The following ALKBH8 variants were observed in gnomAD, a reference collection of about 807,000 sequenced individuals.
The protein encoded by ALKBH8 is alkB homolog 8, tRNA methyltransferase, also known as tRNA (carboxymethyluridine(34)-5-O)-methyltransferase ALKBH8.
A neutral mutation model predicts 59.8 loss-of-function variants in ALKBH8; 36 were observed. The observed-to-expected ratio is 0.60, with a 90% CI of 0.46 to 0.79. The LOEUF is 0.79. Ranked by LOEUF, ALKBH8 falls within the 30% of genes least tolerant of loss-of-function variation. The probability of loss-of-function intolerance (pLI) is 0.00; values close to 1 mark genes in which losing one functional copy is unlikely to be tolerated. For synonymous variants in ALKBH8, 276 were observed against 273.6 expected, an observed-to-expected ratio of 1.01 and a Z score of -0.09; for missense variants, 768 against 801.0, an observed-to-expected ratio of 0.96 and a Z score of 0.50.
intron 2 of ALKBH8, among the ~76,000 whole-genome samples, chr11:107,557,833 C>T (rs555024514): frequency 3.9e-5 from 6 of 152,174 alleles, no homozygotes; most frequent in African/African-American, 1.4e-4. Context: ...GGTCTAGCAC[C>T]CATATAGTCT....
chr11:107,563,122 CAAAAT>C (rs1865003092), intron 1 of ALKBH8, among the ~76,000 whole-genome samples: 1 of 152,014 alleles, frequency 6.6e-6, no homozygotes, highest in African/African-American at 2.4e-5. Context: ...TGGCAAGTGA[CAAAAT>C]AAAGTGGCTC....
At chr11:107,549,517 A>G (rs1285041644) in intron 7 of ALKBH8, among the ~76,000 whole-genome samples, 1 of 152,216 alleles carries the variant, frequency 6.6e-6, no homozygotes, top group Non-Finnish European at 1.5e-5. Flanking sequence ...TAACTGCTAA[A>G]AGTTTCGTGT....
intron 7 of ALKBH8, among the ~76,000 whole-genome samples, chr11:107,533,955 C>T (rs1401433838): frequency 1.3e-5 from 2 of 152,002 alleles, no homozygotes. Context: ...ATGGAGAAAC[C>T]CTGTCTCTAC....
chr11:107,535,585 C>T (rs938722472), intron 7 of ALKBH8, among the ~76,000 whole-genome samples: 2 of 152,078 alleles, frequency 1.3e-5, no homozygotes, highest in Non-Finnish European at 1.5e-5. Context: ...ATGTCCTTAG[C>T]CCATTTTTTG....
intron 3 of ALKBH8, among the ~76,000 whole-genome samples, chr11:107,555,433 C>T (rs116494622): frequency 6.6e-6 from 1 of 152,112 alleles, no homozygotes; most frequent in East Asian, 1.9e-4. Context: ...GAATATTCAC[C>T]ATGGAGGACG....
At chr11:107,506,556 A>C (rs1201816044) in intron 11 of ALKBH8, among the ~76,000 whole-genome samples, 6 of 152,138 alleles carry the variant, frequency 3.9e-5, no homozygotes, top group South Asian at 2.1e-4. Context: ...AAACAAGATG[A>C]ATTTAAATTT....
intron 7 of ALKBH8, among the ~76,000 whole-genome samples, chr11:107,534,123 C>A (rs188088254): frequency 6.6e-6 from 1 of 152,020 alleles, no homozygotes; most frequent in Non-Finnish European, 1.5e-5. Flanking sequence ...GAGCGAGACA[C>A]CGTCTCACCA....
intron 8 of ALKBH8, among the ~76,000 whole-genome samples, chr11:107,530,661 C>T (rs549090977): frequency 7.4e-5 from 11 of 148,410 alleles, no homozygotes; most frequent in Admixed American, 1.3e-4. Flanking sequence ...AGTGATGTTA[C>T]AGGCAATGTG....
intron 7 of ALKBH8, among the ~76,000 whole-genome samples, chr11:107,547,582 T>C (rs981857321): frequency 6.6e-6 from 1 of 152,222 alleles, no homozygotes; most frequent in Non-Finnish European, 1.5e-5. Context: ...ATTTTATAGA[T>C]GAAATAAAGG....
Position 107,504,214 on chromosome 11 carries a change from G to T in ALKBH8, c.*444C>A. ...CAGGCATGGAAATAGAATGGTTATT[G>T]TCTATGATTTTACAGAGCTAAAAAT... On this transcript the variant is annotated 3_prime_UTR_variant, in exon 12 of 12. Coordinates refer to ENST00000428149, the MANE Select transcript of ALKBH8 (RefSeq NM_138775.3). 2.6e-6 allele frequency: 1 copy of T among 384,646 alleles called. No individual in the cohort carries two copies. Among genetic ancestry groups the T allele is most frequent in the Non-Finnish European group, 4.6e-6 (1 of 218,138 alleles). 23.8% of individuals were successfully genotyped at this position (384,646 alleles called of 1,614,324 possible).
chr11:107,553,710 G>T, intron 4 of ALKBH8, 137 bp downstream of exon 4: 1 of 851,660 alleles, frequency 1.2e-6, no homozygotes, highest in Non-Finnish European at 1.8e-6. Flanking sequence ...AAGAATTGTT[G>T]GTATGACTTG....
At chr11:107,522,219 A>T in intron 10 of ALKBH8, 80 bp downstream of exon 10, 6 of 1,444,318 alleles carry the variant, frequency 4.2e-6, no homozygotes, top group Non-Finnish European at 5.5e-6. Context: ...CTAAAAAAAC[A>T]GGATTATATC....
intron 2 of ALKBH8, among the ~76,000 whole-genome samples, chr11:107,559,452 A>T (rs532700622): frequency 6.6e-6 from 1 of 152,312 alleles, no homozygotes; most frequent in South Asian, 2.1e-4. Context: ...ATCCTAAAGA[A>T]AAGGCAGACC....
At chr11:107,546,901 C>T (rs541317524) in intron 7 of ALKBH8, among the ~76,000 whole-genome samples, 1 of 152,074 alleles carries the variant, frequency 6.6e-6, no homozygotes, top group Admixed American at 6.5e-5. Flanking sequence ...ACAAATAAAG[C>T]ATTTTAAGTA....
chr11:107,544,175 C>T (rs1160725352), intron 7 of ALKBH8, among the ~76,000 whole-genome samples: 3 of 152,152 alleles, frequency 2.0e-5, no homozygotes, highest in Non-Finnish European at 4.4e-5. Flanking sequence ...TTTCTTGCTA[C>T]AAAGTAAATG....
At chr11:107,519,298 T>G (rs113538842) in intron 10 of ALKBH8, among the ~76,000 whole-genome samples, 2,080 of 152,100 alleles carry the variant, frequency 0.014, 42 homozygotes, top group African/African-American at 0.047. Context: ...AGAGATGAGG[T>G]TTCTCCACGT....
At chr11:107,563,892 A>G (rs1865032194) in intron 1 of ALKBH8, among the ~76,000 whole-genome samples, 2 of 152,172 alleles carry the variant, frequency 1.3e-5, no homozygotes, top group African/African-American at 4.8e-5. Context: ...ATTGCACGTG[A>G]AGAAAGACAC....
intron 8 of ALKBH8, among the ~76,000 whole-genome samples, chr11:107,532,050 C>T (rs1333959078): frequency 6.6e-6 from 1 of 152,070 alleles, no homozygotes; most frequent in African/African-American, 2.4e-5. Flanking sequence ...CCCAAATATT[C>T]AAAATTAGTA....
chr11:107,506,156 A>T (rs1862375512), intron 11 of ALKBH8, among the ~76,000 whole-genome samples: 1 of 152,192 alleles, frequency 6.6e-6, no homozygotes, highest in African/African-American at 2.4e-5. Flanking sequence ...CCAGGCTTTC[A>T]CTTGAGACCC....
Sources: gnomAD v4.1 joint callset for allele counts (sites outside exome capture counted in the v4.1 genomes callset) on GRCh38, gnomAD v4.1.1 for gene constraint, MANE v1.5 for transcripts, NCBI Gene and HGNC (gene_info 2026-07-23, HGNC 2026-07-21) for gene names.